Variants in HEMK2 observed in about 807,000 individuals in gnomAD.
HEMK2 encodes HemK methyltransferase 2, ETF1 glutamine and histone H4 lysine.
At chr21:28,590,876 A>G in the HEMK2 span, among the ~76,000 whole-genome samples, 9 of 152,264 alleles carry the variant, frequency 5.9e-5, no homozygotes, top group East Asian at 1.9e-4. Context: ...GCAGGCATGC[A>G]TAAGTGTAAA....
At chr21:28,675,101 T>G in the HEMK2 span, among the ~76,000 whole-genome samples, 1 of 152,202 alleles carries the variant, frequency 6.6e-6, no homozygotes, top group African/African-American at 2.4e-5. Context: ...AGTAAACTTA[T>G]GCTTACTGTG....
the HEMK2 span, among the ~76,000 whole-genome samples, chr21:28,785,502 C>T: frequency 6.6e-6 from 1 of 152,304 alleles, no homozygotes; most frequent in Admixed American, 6.5e-5. Flanking sequence ...ACAAGGTTTG[C>T]CATGTAACAT....
chr21:28,788,783 C>T, the HEMK2 span, among the ~76,000 whole-genome samples: 1 of 151,694 alleles, frequency 6.6e-6, no homozygotes, highest in African/African-American at 2.4e-5. Flanking sequence ...AGAACGTAAC[C>T]CTATTTGGAA....
At chr21:28,614,919 G>A in the HEMK2 span, among the ~76,000 whole-genome samples, 1 of 152,094 alleles carries the variant, frequency 6.6e-6, no homozygotes, top group African/African-American at 2.4e-5. Flanking sequence ...CTTTTTCAGT[G>A]AGGCCTTTTC....
the HEMK2 span, among the ~76,000 whole-genome samples, chr21:28,823,324 T>G: frequency 6.6e-6 from 1 of 152,352 alleles, no homozygotes; most frequent in East Asian, 1.9e-4. Context: ...TTTTCATCTC[T>G]GAGTCCATGA....
the HEMK2 span, among the ~76,000 whole-genome samples, chr21:28,590,062 A>C: frequency 6.6e-6 from 1 of 152,324 alleles, no homozygotes; most frequent in African/African-American, 2.4e-5. Context: ...GGACGTGCCA[A>C]TAACAGGTTC....
the HEMK2 span, among the ~76,000 whole-genome samples, chr21:28,852,695 C>T: frequency 6.6e-6 from 1 of 152,204 alleles, no homozygotes; most frequent in Non-Finnish European, 1.5e-5. Flanking sequence ...GGTTCAAGTA[C>T]TGAAATTGAT....
chr21:28,800,824 G>C, the HEMK2 span, among the ~76,000 whole-genome samples: 3 of 152,166 alleles, frequency 2.0e-5, no homozygotes, highest in Non-Finnish European at 4.4e-5. Context: ...ATGTTATTCA[G>C]TAACAATCTC....
At chr21:28,866,148 G>GAAAAAAAAAAAAAAAAA in the HEMK2 span, among the ~76,000 whole-genome samples, 1 of 17,452 alleles carries the variant, frequency 5.7e-5, no homozygotes, top group African/African-American at 1.8e-4. Context: ...TGTCTCTACA[G>GAAAAAAAAAAAAAAAAA]AAAAAACAAA....
the HEMK2 span, among the ~76,000 whole-genome samples, chr21:28,723,922 G>C: frequency 6.6e-6 from 1 of 152,032 alleles, no homozygotes; most frequent in Non-Finnish European, 1.5e-5. Context: ...CTGCAACTTT[G>C]TGGTGAGAAA....
the HEMK2 span, among the ~76,000 whole-genome samples, chr21:28,852,719 T>C: frequency 6.6e-6 from 1 of 152,232 alleles, no homozygotes; most frequent in Non-Finnish European, 1.5e-5. Context: ...CGGGCCATGA[T>C]TCCCTGTATT....
At chr21:28,768,296 C>T in the HEMK2 span, among the ~76,000 whole-genome samples, 1 of 152,120 alleles carries the variant, frequency 6.6e-6, no homozygotes, top group Non-Finnish European at 1.5e-5. Flanking sequence ...AGGATACATT[C>T]TACTTCTTCC....
the HEMK2 span, among the ~76,000 whole-genome samples, chr21:28,586,686 G>A: frequency 2.0e-5 from 3 of 152,002 alleles, no homozygotes; most frequent in South Asian, 6.2e-4. Flanking sequence ...TTTTATTTTT[G>A]ACACTGAGTA....
chr21:28,629,685 A>G, the HEMK2 span, among the ~76,000 whole-genome samples: 3 of 152,232 alleles, frequency 2.0e-5, no homozygotes, highest in African/African-American at 7.2e-5. Context: ...GAATAACTGT[A>G]GCTGCCATCT....
At chr21:28,640,108 A>T in the HEMK2 span, among the ~76,000 whole-genome samples, 19 of 152,346 alleles carry the variant, frequency 1.2e-4, no homozygotes, top group Non-Finnish European at 2.6e-4. Flanking sequence ...GAAAATAACA[A>T]TTTTTAAATG....
the HEMK2 span, among the ~76,000 whole-genome samples, chr21:28,810,509 G>A: frequency 6.6e-6 from 1 of 152,164 alleles, no homozygotes; most frequent in Non-Finnish European, 1.5e-5. Context: ...TGCAACTAAA[G>A]ATCAGAGGCC....
the HEMK2 span, among the ~76,000 whole-genome samples, chr21:28,650,124 C>T: frequency 6.6e-6 from 1 of 152,138 alleles, no homozygotes; most frequent in African/African-American, 2.4e-5. Context: ...CAGCCAGGCG[C>T]GGTGGCTCAC....
chr21:28,715,287 C>T, the HEMK2 span, among the ~76,000 whole-genome samples: 81,572 of 151,964 alleles, frequency 0.54, 23,907 homozygotes, highest in East Asian at 0.84. Context: ...GTCTCCGCAG[C>T]CTTGCAAGCA....
chr21:28,760,056 C>A, the HEMK2 span, among the ~76,000 whole-genome samples: 1 of 134,946 alleles, frequency 7.4e-6, no homozygotes, highest in Admixed American at 7.2e-5. Context: ...CCTTACAGTA[C>A]AAAGTACCAC....
Sources: allele counts gnomAD v4.1 joint callset (sites outside exome capture counted in the v4.1 genomes callset), GRCh38; gene constraint gnomAD v4.1.1; transcripts MANE v1.5; gene names NCBI Gene and HGNC (gene_info 2026-07-23, HGNC 2026-07-21).